Variants in ZFPM2 observed in about 807,000 individuals in gnomAD.
ZFPM2 encodes the protein zinc finger protein ZFPM2.
In ZFPM2, 20 loss-of-function variants were observed where a neutral mutation model predicts 98.6. The ratio of observed to expected loss-of-function variants is 0.20; its 90% confidence interval spans 0.14 to 0.29. ZFPM2 has a LOEUF of 0.29. Ranked by LOEUF, ZFPM2 falls within the 10% of genes least tolerant of loss-of-function variation. ZFPM2 has a pLI of 1.00. For missense variants in ZFPM2, 1,310 were observed against 1,388.6 expected, an observed-to-expected ratio of 0.94 and a Z score of 0.90; for synonymous variants, 518 against 502.7, an observed-to-expected ratio of 1.03 and a Z score of -0.41.
intron 1 of ZFPM2, among the ~76,000 whole-genome samples, chr8:105,394,686 C>G (rs1811187167): frequency 6.6e-6 from 1 of 152,180 alleles, no homozygotes; most frequent in Non-Finnish European, 1.5e-5. Flanking sequence ...TGGGCTCTGG[C>G]CACGGAATTC....
chr8:105,383,257 G>A (rs987092926), intron 1 of ZFPM2, among the ~76,000 whole-genome samples: 3 of 152,082 alleles, frequency 2.0e-5, no homozygotes, highest in East Asian at 1.9e-4. Flanking sequence ...ATTTCACTAA[G>A]TACTGTTGGG....
In ZFPM2 at chr8:105,802,316, G is replaced by A. The variant is rs1260215722; in HGVS notation, c.2234G>A (p.Cys745Tyr). ...AAGCGCAGAAAGATGTATGAGATGT[G>A]CCTACCTGAGCAGGAACAAAGGCCT... ...TRKRRKMYEM[C>Y]LPEQEQRPPL... The change falls in exon 8 of 8, where the codon TGC becomes TAC. Residue 745 changes from cysteine to tyrosine, a missense_variant. Physicochemically the swap from Cys to Tyr is radical, Grantham distance 194. Transcript: ENST00000407775. The A allele has an allele frequency of 1.2e-6, 2 of 1,613,776 alleles. No homozygotes were observed. Among genetic ancestry groups the A allele is most frequent in the Non-Finnish European group, 1.7e-6 (2 of 1,179,818 alleles).
At chr8:105,342,763 T>C (rs1812452871) in intron 1 of ZFPM2, among the ~76,000 whole-genome samples, 1 of 152,076 alleles carries the variant, frequency 6.6e-6, no homozygotes, top group African/African-American at 2.4e-5. Context: ...TTGTTGATTC[T>C]GTTTGAAAGA....
chr8:105,661,572 T>G (rs1442330), intron 5 of ZFPM2, among the ~76,000 whole-genome samples: 71,786 of 151,938 alleles, frequency 0.47, 17,220 homozygotes, highest in African/African-American at 0.55. Flanking sequence ...AGAATACTTT[T>G]CAGCTCCGAG....
chr8:105,707,394 A>G (rs1811289429), intron 5 of ZFPM2, among the ~76,000 whole-genome samples: 1 of 152,176 alleles, frequency 6.6e-6, no homozygotes, highest in Non-Finnish European at 1.5e-5. Context: ...AAGGTGTGCA[A>G]TTAGTGTGGG....
chr8:105,654,584 T>A (rs1817247034), intron 5 of ZFPM2, among the ~76,000 whole-genome samples: 1 of 152,126 alleles, frequency 6.6e-6, no homozygotes, highest in African/African-American at 2.4e-5. Flanking sequence ...CCTTTTTTTT[T>A]TTAAAAATGA....
At chr8:105,489,466 A>ATATATATATATATATATT (rs1554610604) in intron 3 of ZFPM2, among the ~76,000 whole-genome samples, 1 of 119,776 alleles carries the variant, frequency 8.3e-6, no homozygotes, top group African/African-American at 3.6e-5. Context: ...ATATATATAT[A>ATATATATATATATATATT]TTTTTTTTTT....
chr8:105,634,401 C>T lies in ZFPM2; in HGVS notation c.532+44C>T, dbSNP rs189442220. The T allele has an allele frequency of 8.8e-6, 13 of 1,478,822 alleles. No individual in the cohort carries two copies. The African/African-American group carries it at 1.7e-4, about 19-fold the overall frequency. 91.6% of individuals were successfully genotyped at this position (1,478,822 alleles called of 1,614,324 possible). A position where few individuals can be genotyped will look rare whatever the true frequency, so the allele number is the denominator to read the frequency against. ...CCCTCTCTCTTTGGAAGTATTAAAACCTGAGCATTGCAAAACAGCACCAGA... is the reference window on the plus strand; with the variant it reads ...CCCTCTCTCTTTGGAAGTATTAAAATCTGAGCATTGCAAAACAGCACCAGA... On this transcript the variant is annotated intron_variant, in intron 5 of 7. Coordinates refer to ENST00000407775, the MANE Select transcript of ZFPM2 (RefSeq NM_012082.4).
intron 5 of ZFPM2, among the ~76,000 whole-genome samples, chr8:105,677,340 A>G (rs999408833): frequency 1.3e-5 from 2 of 152,104 alleles, no homozygotes; most frequent in African/African-American, 4.8e-5. Context: ...AGATGGGGAA[A>G]TGGAGGTTCA....
intron 7 of ZFPM2, among the ~76,000 whole-genome samples, chr8:105,799,368 AC>A (rs1813932240): frequency 6.6e-6 from 1 of 152,120 alleles, no homozygotes; most frequent in Non-Finnish European, 1.5e-5. Context: ...AAATAAAGCT[AC>A]TCTATTGATA....
intron 3 of ZFPM2, among the ~76,000 whole-genome samples, chr8:105,498,054 C>T (rs1243129865): frequency 2.0e-5 from 3 of 149,178 alleles, no homozygotes; most frequent in Non-Finnish European, 4.4e-5. Flanking sequence ...AAACAAAATC[C>T]AGGTGTGGTG....
At chr8:105,499,918 C>T (rs1166571350) in intron 3 of ZFPM2, among the ~76,000 whole-genome samples, 3 of 152,168 alleles carry the variant, frequency 2.0e-5, no homozygotes, top group Non-Finnish European at 4.4e-5. Context: ...CACATTCTTA[C>T]ATGGAACTTT....
At chr8:105,369,777 G>T (rs796491092) in intron 1 of ZFPM2, among the ~76,000 whole-genome samples, 2 of 151,954 alleles carry the variant, frequency 1.3e-5, no homozygotes, top group Admixed American at 1.3e-4. Flanking sequence ...TTCTGGAAAG[G>T]ACCTATACTA....
intron 5 of ZFPM2, among the ~76,000 whole-genome samples, chr8:105,724,806 G>T (rs1240709696): frequency 6.6e-6 from 1 of 151,616 alleles, no homozygotes; most frequent in Admixed American, 6.6e-5. Context: ...TGATTAAAGT[G>T]TCTACATATA....
At chr8:105,418,671 T>C in intron 1 of ZFPM2, 2 of 506,450 alleles carry the variant, frequency 3.9e-6, no homozygotes. Flanking sequence ...ACTCTTAAGA[T>C]GGATTTTTAA....
At chr8:105,644,183 A>C in intron 5 of ZFPM2, among the ~76,000 whole-genome samples, 1 of 151,786 alleles carries the variant, frequency 6.6e-6, no homozygotes, top group East Asian at 1.9e-4. Context: ...TTCCAGTTGC[A>C]TGGGCTCCTT....
chr8:105,633,399 A>G (rs146327793), intron 4 of ZFPM2, among the ~76,000 whole-genome samples: 1 of 152,308 alleles, frequency 6.6e-6, no homozygotes, highest in East Asian at 1.9e-4. Context: ...TCATCGGGAA[A>G]CACAGTCTTG....
chr8:105,803,709 T>C lies in ZFPM2; in HGVS notation c.*171T>C, dbSNP rs1406809032. ...CATTACAGTCCATTAGTAAAGTGTATTATTGGTGCCATTTTCAAAAAAATT... is the reference window on the plus strand; with the variant it reads ...CATTACAGTCCATTAGTAAAGTGTACTATTGGTGCCATTTTCAAAAAAATT... On this transcript the variant is annotated 3_prime_UTR_variant, in exon 8 of 8. Coordinates refer to ENST00000407775, the MANE Select transcript of ZFPM2 (RefSeq NM_012082.4). 23 of 628,328 alleles carry C rather than the reference T, an allele frequency of 3.7e-5. No individual in the cohort carries two copies. Among genetic ancestry groups the C allele is most frequent in the Non-Finnish European group, 5.9e-5 (22 of 371,762 alleles). 38.9% of individuals were successfully genotyped at this position (628,328 alleles called of 1,614,324 possible).
chr8:105,802,418 G>C lies in ZFPM2; in HGVS notation c.2336G>C (p.Gly779Ala). 6.2e-7 allele frequency: 1 copy of C among 1,613,730 alleles called. No individual in the cohort carries two copies. The highest frequency in any genetic ancestry group is 1.7e-5 in the Admixed American group (1 of 59,986). ...ACCTCCACTCAAGAACCCACAGAAGGGCTAGGAGAGTGCTACCACCCAAGA... is the reference window on the plus strand; with the variant it reads ...ACCTCCACTCAAGAACCCACAGAAGCGCTAGGAGAGTGCTACCACCCAAGA... ...PCTSTQEPTE[G>A]LGECYHPRCD... Residue 779 changes from glycine (G) to alanine (A), a missense_variant, in exon 8 of 8, where the codon GGG becomes GCG. By Grantham distance (60) the Gly-to-Ala change is moderately conservative (BLOSUM62 0). Transcript: ENST00000407775.
Sources: gnomAD v4.1 joint callset for allele counts (sites outside exome capture counted in the v4.1 genomes callset) on GRCh38, gnomAD v4.1.1 for gene constraint, MANE v1.5 for transcripts, NCBI Gene and HGNC (gene_info 2026-07-23, HGNC 2026-07-21) for gene names.